The following GRIP1 variants were observed in gnomAD, a reference collection of about 807,000 sequenced individuals.
The protein encoded by GRIP1 is glutamate receptor interacting protein 1.
GRIP1 carries 45 observed loss-of-function variants against 129.9 expected under a neutral mutation model. That is an observed-to-expected ratio of 0.35 (90% CI 0.27 to 0.44). GRIP1 has a LOEUF of 0.44. Among genes scored for constraint, GRIP1 ranks in the 20% least tolerant of loss-of-function variants. The pLI is 1.00. For synonymous variants in GRIP1, 530 were observed against 520.8 expected (o/e 1.02, Z -0.24); for missense variants, 1,196 against 1,396.8 (o/e 0.86, Z 2.29).
At chr12:66,499,045 GTTC>G (rs2060316286) in intron 7 of GRIP1, among the ~76,000 whole-genome samples, 1 of 152,196 alleles carries the variant, frequency 6.6e-6, no homozygotes, top group Non-Finnish European at 1.5e-5. Flanking sequence ...CAACTACAAA[GTTC>G]TTACATAATA....
chr12:66,991,021 C>T (rs1355550749), intron 1 of GRIP1, among the ~76,000 whole-genome samples: 1 of 150,664 alleles, frequency 6.6e-6, no homozygotes, highest in Non-Finnish European at 1.5e-5. Flanking sequence ...TATCTGTAAT[C>T]CCAGCACTTC....
At chr12:66,726,795 C>T (rs923361504) in intron 1 of GRIP1, among the ~76,000 whole-genome samples, 5 of 152,152 alleles carry the variant, frequency 3.3e-5, no homozygotes, top group African/African-American at 1.2e-4. Flanking sequence ...GTAAAGTTAG[C>T]CACTATCTTC....
intron 2 of GRIP1, among the ~76,000 whole-genome samples, chr12:66,563,064 T>C (rs1380256468): frequency 6.6e-6 from 1 of 151,672 alleles, no homozygotes; most frequent in Non-Finnish European, 1.5e-5. Flanking sequence ...TGGTAGAAAA[T>C]CTGTGTTTAT....
intron 1 of GRIP1, among the ~76,000 whole-genome samples, chr12:66,905,084 T>C (rs1291077861): frequency 6.6e-6 from 1 of 152,172 alleles, no homozygotes. Context: ...AAAGCATTTG[T>C]GATACCTCAC....
At chr12:66,934,775 G>A (rs2041457467) in intron 1 of GRIP1, among the ~76,000 whole-genome samples, 1 of 152,152 alleles carries the variant, frequency 6.6e-6, no homozygotes, top group African/African-American at 2.4e-5. Flanking sequence ...GTTTAAACTT[G>A]AAAAATCCTA....
At chr12:66,432,516 A>G (rs557015163) in intron 14 of GRIP1, 32 bp downstream of exon 14, 4 of 1,320,406 alleles carry the variant, frequency 3.0e-6, no homozygotes, top group Non-Finnish European at 4.4e-6. Flanking sequence ...AATGCCTTTA[A>G]AAATTATTTA....
intron 1 of GRIP1, among the ~76,000 whole-genome samples, chr12:66,948,020 T>C (rs1299193344): frequency 6.6e-6 from 1 of 152,140 alleles, no homozygotes; most frequent in Non-Finnish European, 1.5e-5. Context: ...CTTTATAAAG[T>C]GGGTTCATCT....
intron 7 of GRIP1, among the ~76,000 whole-genome samples, chr12:66,492,970 A>C (rs1022362000): frequency 1.1e-4 from 17 of 152,162 alleles, no homozygotes; most frequent in Admixed American, 1.3e-4. Context: ...AGACCATGCC[A>C]CTGCACTCCA....
chr12:66,957,282 G>A (rs147482870), intron 1 of GRIP1, among the ~76,000 whole-genome samples: 3 of 152,058 alleles, frequency 2.0e-5, no homozygotes, highest in East Asian at 1.9e-4. Context: ...GCCTTCCTTC[G>A]TGGTTCTCAG....
At chr12:66,830,824 T>A (rs1318133845) in intron 1 of GRIP1, among the ~76,000 whole-genome samples, 1 of 138,204 alleles carries the variant, frequency 7.2e-6, no homozygotes, top group Non-Finnish European at 1.5e-5. Flanking sequence ...CTGGTTTTGG[T>A]ATCTGAATTT....
chr12:66,879,825 A>ATCT (rs756465152), intron 1 of GRIP1, among the ~76,000 whole-genome samples: 102 of 152,218 alleles, frequency 6.7e-4, no homozygotes, highest in Non-Finnish European at 1.0e-3. Context: ...GGCAGAGCTT[A>ATCT]TGGGCAATTG....
intron 1 of GRIP1, among the ~76,000 whole-genome samples, chr12:67,004,280 AC>A (rs1243839051): frequency 1.3e-5 from 2 of 152,154 alleles, no homozygotes; most frequent in African/African-American, 4.8e-5. Context: ...CCAGCCGGTT[AC>A]TCACTAGCTT....
chr12:66,913,704 G>A (rs1252128318), intron 1 of GRIP1, among the ~76,000 whole-genome samples: 1 of 152,112 alleles, frequency 6.6e-6, no homozygotes, highest in Admixed American at 6.6e-5. Context: ...GGTGGAAATA[G>A]AAATTCAATG....
chr12:67,021,604 C>T (rs1219499021), intron 1 of GRIP1, among the ~76,000 whole-genome samples: 1 of 151,878 alleles, frequency 6.6e-6, no homozygotes, highest in African/African-American at 2.4e-5. Context: ...GCAATTAATA[C>T]CCATCATCTC....
chr12:66,777,942 T>C (rs1035328268), intron 1 of GRIP1, among the ~76,000 whole-genome samples: 2 of 152,172 alleles, frequency 1.3e-5, no homozygotes, highest in African/African-American at 4.8e-5. Context: ...TCCATTATAG[T>C]AGCCACTAGC....
At chr12:66,520,170 T>C (rs1252946829) in intron 5 of GRIP1, among the ~76,000 whole-genome samples, 1 of 152,222 alleles carries the variant, frequency 6.6e-6, no homozygotes, top group East Asian at 1.9e-4. Context: ...CTGACTGTCC[T>C]AGTATTTTCT....
rs186766197 is a variant in GRIP1, at chr12:66,383,771, C to T, written c.2465-4335G>A. 4.6e-5 allele frequency among the ~76,000 whole-genome samples: 7 copies of T among 152,322 alleles called. No individual in the cohort carries two copies. The East Asian group carries it at 5.8e-4, about 13-fold the overall frequency. Reference sequence around the variant, plus strand: ...GTCCTTAGTACCAGAATACCAGTTTCGGGGTGAGCAAATTATTGCTCAGAC... The same window carrying T: ...GTCCTTAGTACCAGAATACCAGTTTTGGGGTGAGCAAATTATTGCTCAGAC... On this transcript the variant is annotated intron_variant, in intron 19 of 24. Coordinates refer to ENST00000359742, the MANE Select transcript of GRIP1 (RefSeq NM_001366722.1).
At chr12:66,745,811 A>G (rs767144320) in intron 1 of GRIP1, among the ~76,000 whole-genome samples, 5 of 152,176 alleles carry the variant, frequency 3.3e-5, no homozygotes, top group Non-Finnish European at 5.9e-5. Flanking sequence ...GAGGTGTCCC[A>G]GAAGCCATGA....
intron 1 of GRIP1, among the ~76,000 whole-genome samples, chr12:66,755,841 T>C (rs1314128099): frequency 6.6e-6 from 1 of 152,180 alleles, no homozygotes; most frequent in African/African-American, 2.4e-5. Flanking sequence ...CCCTCACCTC[T>C]CTTTTTCACT....
Sources: allele counts gnomAD v4.1 joint callset (sites outside exome capture counted in the v4.1 genomes callset), GRCh38; gene constraint gnomAD v4.1.1; transcripts MANE v1.5; gene names NCBI Gene and HGNC (gene_info 2026-07-23, HGNC 2026-07-21).